The following SPMIP8 variants were observed in gnomAD, a reference collection of about 807,000 sequenced individuals.
The protein encoded by SPMIP8 is testicular tissue protein Li 196.
chr16:57,982,891 A>G, the SPMIP8 span, among the ~76,000 whole-genome samples: 1 of 152,050 alleles, frequency 6.6e-6, no homozygotes, highest in African/African-American at 2.4e-5. Flanking sequence ...TTAGCCAGGC[A>G]TGGTAGCACG....
the SPMIP8 span, chr16:57,987,785 C>T: frequency 4.2e-6 from 1 of 237,082 alleles, no homozygotes; most frequent in Non-Finnish European, 8.1e-6. Context: ...GCTCCAGCCC[C>T]TTGCCTGCAG....
the SPMIP8 span, among the ~76,000 whole-genome samples, chr16:57,983,514 G>A: frequency 6.6e-6 from 1 of 151,984 alleles, no homozygotes; most frequent in East Asian, 1.9e-4. Flanking sequence ...AAAAGAATTT[G>A]CCCATGTTCA....
chr16:57,986,216 C>G, the SPMIP8 span: 1 of 393,864 alleles, frequency 2.5e-6, no homozygotes, highest in East Asian at 3.8e-5. Context: ...AGGATGTTAA[C>G]TAGAAGGAGA....
chr16:57,984,620 C>A, the SPMIP8 span: 1 of 1,556,298 alleles, frequency 6.4e-7, no homozygotes, highest in South Asian at 1.2e-5. Flanking sequence ...GGGCCTGACC[C>A]CCGTGGCCCT....
chr16:57,985,069 G>A, the SPMIP8 span: 1 of 1,147,828 alleles, frequency 8.7e-7, no homozygotes, highest in African/African-American at 1.6e-5. Context: ...CAGCGGAGGC[G>A]GGACCTGTTC....
chr16:57,984,866 C>T, the SPMIP8 span: 2 of 1,530,738 alleles, frequency 1.3e-6, no homozygotes, highest in Non-Finnish European at 1.8e-6. Context: ...GGGGCTGGAG[C>T]AGGGAACGTG....
chr16:57,981,427 T>A, the SPMIP8 span, among the ~76,000 whole-genome samples: 5 of 142,158 alleles, frequency 3.5e-5, no homozygotes, highest in Non-Finnish European at 7.6e-5. Context: ...ATTATTATTA[T>A]TATTATAATT....
chr16:57,985,145 G>A, the SPMIP8 span: 1 of 1,367,912 alleles, frequency 7.3e-7, no homozygotes, highest in Non-Finnish European at 9.4e-7. Context: ...CTTAGATGAG[G>A]AGGCGGGGCT....
chr16:57,985,453 C>T, the SPMIP8 span: 25 of 1,613,684 alleles, frequency 1.5e-5, no homozygotes, highest in Non-Finnish European at 2.0e-5. Context: ...CCCGACTCAC[C>T]GCGCCCCTAT....
the SPMIP8 span, chr16:57,976,573 T>C: frequency 6.2e-7 from 1 of 1,614,188 alleles, no homozygotes; most frequent in South Asian, 1.1e-5. Flanking sequence ...GTCAAAGAAC[T>C]GAAAGTCCTT....
At chr16:57,978,154 G>C in the SPMIP8 span, 3 of 1,251,828 alleles carry the variant, frequency 2.4e-6, no homozygotes, top group African/African-American at 4.5e-5. Flanking sequence ...CCCTGCCCAG[G>C]ACACTTTGGC....
the SPMIP8 span, chr16:57,985,070 G>A: frequency 4.4e-6 from 5 of 1,147,828 alleles, no homozygotes; most frequent in South Asian, 4.9e-5. Flanking sequence ...AGCGGAGGCG[G>A]GACCTGTTCT....
chr16:57,987,378 C>T, the SPMIP8 span: 5 of 1,583,364 alleles, frequency 3.2e-6, no homozygotes, highest in South Asian at 5.8e-5. Flanking sequence ...CCCACCTCAC[C>T]CCTACTTCTC....
the SPMIP8 span, among the ~76,000 whole-genome samples, chr16:57,982,985 G>A: frequency 5.3e-5 from 8 of 152,052 alleles, no homozygotes; most frequent in Non-Finnish European, 7.4e-5. Flanking sequence ...AGCCGAGACC[G>A]CGCCACTGTA....
the SPMIP8 span, among the ~76,000 whole-genome samples, chr16:57,982,061 AC>A: frequency 6.6e-6 from 1 of 152,310 alleles, no homozygotes; most frequent in Non-Finnish European, 1.5e-5. Context: ...TACTATGAGT[AC>A]CCACCACCTT....
the SPMIP8 span, among the ~76,000 whole-genome samples, chr16:57,981,389 A>AATAATAATAATTATTATTATTATT: frequency 7.5e-6 from 1 of 132,912 alleles, no homozygotes; most frequent in Non-Finnish European, 1.6e-5. Context: ...CAATAATAAT[A>AATAATAATAATTATTATTATTATT]ATAATTATTA....
chr16:57,984,856 G>C, the SPMIP8 span: 53 of 1,547,786 alleles, frequency 3.4e-5, no homozygotes, highest in Admixed American at 3.9e-5. Flanking sequence ...GGTGGGCCGC[G>C]GGGCTGGAGC....
chr16:57,978,128 TC>T, the SPMIP8 span: 1 of 1,430,928 alleles, frequency 7.0e-7, no homozygotes. Flanking sequence ...AAGAGGCCAG[TC>T]CCAGCTCTGC....
the SPMIP8 span, chr16:57,985,828 G>T: frequency 6.6e-7 from 1 of 1,509,722 alleles, no homozygotes. Flanking sequence ...GGGGAGAGGG[G>T]GTGGCTCCCG....
Sources: allele counts gnomAD v4.1 joint callset (sites outside exome capture counted in the v4.1 genomes callset), GRCh38; gene constraint gnomAD v4.1.1; transcripts MANE v1.5; gene names NCBI Gene and HGNC (gene_info 2026-07-23, HGNC 2026-07-21).